TOX3: variants seen among roughly 807,000 people sequenced by gnomAD.
TOX3 encodes the protein TOX high mobility group box family member 3, also known as CAG trinucleotide repeat-containing gene F9 protein.
In TOX3, 22 loss-of-function variants were observed where a neutral mutation model predicts 64.3. The ratio of observed to expected loss-of-function variants is 0.34; its 90% CI spans 0.24 to 0.49. The LOEUF (loss-of-function observed/expected upper bound fraction) is 0.49. Ranked by LOEUF, TOX3 falls within the 20% of genes least tolerant of loss-of-function variation. The pLI is 0.99. For missense variants in TOX3, 661 were observed against 714.4 expected (o/e 0.93, Z 0.85); for synonymous variants, 291 against 273.6 (o/e 1.06, Z -0.63).
chr16:52,524,201 T>C (rs1010400001), intron 1 of TOX3, among the ~76,000 whole-genome samples: 2 of 152,166 alleles, frequency 1.3e-5, no homozygotes, highest in Non-Finnish European at 2.9e-5. Context: ...CATGTAGTAT[T>C]AAAAACATTA....
At chr16:52,452,881 C>G (rs1276414303) in intron 3 of TOX3, among the ~76,000 whole-genome samples, 1 of 152,178 alleles carries the variant, frequency 6.6e-6, no homozygotes, top group Non-Finnish European at 1.5e-5. Context: ...TATCAGAACA[C>G]CACACTCCCT....
chr16:52,453,677 C>T (rs547708387), intron 3 of TOX3, among the ~76,000 whole-genome samples: 4 of 152,284 alleles, frequency 2.6e-5, no homozygotes, highest in South Asian at 4.1e-4. Flanking sequence ...AGTTACTTTG[C>T]TCTCTTTGCT....
intron 1 of TOX3, among the ~76,000 whole-genome samples, chr16:52,544,068 A>G (rs982720113): frequency 1.3e-5 from 2 of 152,348 alleles, no homozygotes; most frequent in African/African-American, 4.8e-5. Flanking sequence ...GAAGAAACAT[A>G]CTTTCTTTGA....
At chr16:52,501,607 T>C (rs1962002635) in intron 1 of TOX3, among the ~76,000 whole-genome samples, 1 of 150,434 alleles carries the variant, frequency 6.6e-6, no homozygotes, top group Non-Finnish European at 1.5e-5. Flanking sequence ...TTTCAGTGAG[T>C]CGACACCGCG....
intron 1 of TOX3, among the ~76,000 whole-genome samples, chr16:52,539,238 C>T (rs1394292636): frequency 6.6e-6 from 1 of 152,208 alleles, no homozygotes; most frequent in Non-Finnish European, 1.5e-5. Context: ...ATGTTTCCTT[C>T]CAAATAGCTA....
At chr16:52,441,360 G>C (rs1117704) in intron 6 of TOX3, among the ~76,000 whole-genome samples, 79,257 of 152,052 alleles carry the variant, frequency 0.52, 22,021 homozygotes, top group African/African-American at 0.72. Context: ...TTGAAGATTT[G>C]TAGAATTTAT....
chr16:52,468,679 A>T, intron 1 of TOX3, 105 bp from the exon 2 acceptor site: 1 of 843,324 alleles, frequency 1.2e-6, no homozygotes, highest in Non-Finnish European at 1.9e-6. Flanking sequence ...GAGTTTTATC[A>T]GCCCAAATGC....
Position 52,439,737 on chromosome 16 carries a change from T to G in TOX3, c.1219A>C (p.Met407Leu), listed in dbSNP as rs1459785335. 1 of 1,613,956 alleles carries G rather than the reference T, an allele frequency of 6.2e-7. No individual in the cohort carries two copies. The highest frequency in any genetic ancestry group is 2.2e-5 in the East Asian group (1 of 44,864). The change falls in exon 7 of 7, where the codon ATG becomes CTG. Residue 407 changes from methionine (M) to leucine (L), a missense_variant. By Grantham distance (15) the Met-to-Leu change is conservative. Around this residue, in one of 3 missense-constraint regions of TOX3, gnomAD observed 299 missense variants for 292.1 expected, o/e 1.02. Coordinates refer to ENST00000219746, the MANE Select transcript of TOX3 (RefSeq NM_001080430.4). Reference protein sequence around the residue: ...IVTSVTIAANMPSNIGAPLIS... With the variant: ...IVTSVTIAANLPSNIGAPLIS... ...AGTGGAGCCCCAATGTTCGAGGGCA[T>G]GTTGGCTGCAATGGTGACTGATGTG... is the stretch of plus-strand genomic sequence containing the variant.
chr16:52,529,110 C>G (rs1962790229), intron 1 of TOX3, among the ~76,000 whole-genome samples: 1 of 152,134 alleles, frequency 6.6e-6, no homozygotes, highest in Non-Finnish European at 1.5e-5. Context: ...AGGAGGTCAA[C>G]TTTCAGGAAT....
chr16:52,535,512 T>C (rs1962928211), intron 1 of TOX3, among the ~76,000 whole-genome samples: 1 of 152,212 alleles, frequency 6.6e-6, no homozygotes, highest in Admixed American at 6.5e-5. Context: ...TAGAGGCAGC[T>C]TGGCTCTTCA....
chr16:52,514,066 G>C (rs1962380913), intron 1 of TOX3, among the ~76,000 whole-genome samples: 1 of 152,198 alleles, frequency 6.6e-6, no homozygotes, highest in Non-Finnish European at 1.5e-5. Flanking sequence ...CTGCAGAAAA[G>C]GGAGAGCAAG....
At chr16:52,459,517 C>T (rs914962190) in intron 3 of TOX3, among the ~76,000 whole-genome samples, 9 of 152,048 alleles carry the variant, frequency 5.9e-5, no homozygotes, top group African/African-American at 7.2e-5. Flanking sequence ...AGTTTTTGAC[C>T]GTAACTTGAC....
At chr16:52,530,689 C>A (rs1282275338) in intron 1 of TOX3, among the ~76,000 whole-genome samples, 1 of 150,968 alleles carries the variant, frequency 6.6e-6, no homozygotes, top group Non-Finnish European at 1.5e-5. Context: ...ACACCCTTCT[C>A]TTTTTCCTCT....
chr16:52,473,713 G>A (rs929192894), intron 1 of TOX3, among the ~76,000 whole-genome samples: 2 of 152,182 alleles, frequency 1.3e-5, no homozygotes, highest in African/African-American at 4.8e-5. Flanking sequence ...GATGATTATC[G>A]TGGATGGGTC....
chr16:52,450,156 C>G, intron 4 of TOX3, 121 bp downstream of exon 4: 1 of 1,171,274 alleles, frequency 8.5e-7, no homozygotes, highest in Non-Finnish European at 1.2e-6. Flanking sequence ...AACCATCATA[C>G]ATTTAAATGC....
intron 1 of TOX3, among the ~76,000 whole-genome samples, chr16:52,502,403 A>T (rs886882473): frequency 4.6e-5 from 7 of 152,262 alleles, no homozygotes; most frequent in Non-Finnish European, 1.0e-4. Flanking sequence ...CAAACCTACA[A>T]GAATGGGTCT....
chr16:52,497,752 G>A (rs963823799), intron 1 of TOX3, among the ~76,000 whole-genome samples: 1 of 151,978 alleles, frequency 6.6e-6, no homozygotes, highest in African/African-American at 2.4e-5. Context: ...TAATATCTCA[G>A]GAGCTAGATG....
At position 52,547,071 on chromosome 16, in the gene TOX3, G is replaced by T; in HGVS notation, c.-348C>A. 2.5e-6 allele frequency: 1 copy of T among 406,570 alleles called. No individual in the cohort carries two copies. Among genetic ancestry groups the T allele is most frequent in the Non-Finnish European group, 3.3e-6 (1 of 303,062 alleles). The allele number at this position is 406,570 out of a possible 1,614,324, so 25.2% of individuals were successfully genotyped here. ...AGGTGCGCTGGGCGAGGCTGGGACG[G>T]CGGCGGCGGCGGCGGCTGGCCCCGC... On this transcript the variant is annotated 5_prime_UTR_variant, in exon 1 of 7. Transcript: ENST00000219746.
intron 3 of TOX3, among the ~76,000 whole-genome samples, chr16:52,452,685 T>TAA (rs11372027): frequency 0.025 from 3,722 of 149,698 alleles, 140 homozygotes; most frequent in African/African-American, 0.086. Context: ...ATAATAATAA[T>TAA]AAAAAAAAGA....
Sources: gnomAD v4.1 joint callset for allele counts (sites outside exome capture counted in the v4.1 genomes callset) on GRCh38, gnomAD v4.1.1 for gene constraint, gnomAD v4.1.1 regional missense constraint, MANE v1.5 for transcripts, NCBI Gene and HGNC (gene_info 2026-07-23, HGNC 2026-07-21) for gene names.